Variants in USP6 observed in about 807,000 individuals in gnomAD.
The protein encoded by USP6 is ubiquitin carboxyl-terminal hydrolase 6.
USP6 carries 128 observed loss-of-function variants against 175.7 expected under a neutral mutation model. The observed-to-expected ratio is 0.73, with a 90% CI of 0.63 to 0.84. USP6 has a LOEUF of 0.84. Among genes scored for constraint, USP6 ranks in the 40% least tolerant of loss-of-function variants. USP6 has a pLI of 0.00. For missense variants in USP6, 1,498 were observed against 1,760.3 expected (o/e 0.85, Z 2.67); for synonymous variants, 562 against 630.6 (o/e 0.89, Z 1.63).
intron 37 of USP6, among the ~76,000 whole-genome samples, chr17:5,172,182 A>G (rs1283211933): frequency 6.6e-6 from 1 of 151,756 alleles, no homozygotes; most frequent in Non-Finnish European, 1.5e-5. Context: ...CTCAAAAAAA[A>G]AAAAAAAAAG....
In USP6 at chr17:5,130,405, A is replaced by C; in HGVS notation, c.38A>C (p.Gln13Pro). 6.2e-7 allele frequency: 1 copy of C among 1,614,206 alleles called. No individual in the cohort carries two copies. The highest frequency in any genetic ancestry group is 2.2e-5 in the East Asian group (1 of 44,882). ...GAGAATGCAGATAGTTTGCAGGCAC[A>C]GGAGCGGAAGGACATACTTATGAAG... ...MVENADSLQA[Q>P]ERKDILMKYD... Residue 13 changes from glutamine to proline, a missense_variant, in exon 10 of 38, where the codon CAG becomes CCG. Coordinates refer to ENST00000574788, the MANE Select transcript of USP6 (RefSeq NM_001304284.2).
At chr17:5,138,882 CGGAGACA>C (rs2073348040) in intron 21 of USP6, 3 of 815,970 alleles carry the variant, frequency 3.7e-6, no homozygotes, top group Non-Finnish European at 3.6e-6. Context: ...TCACCCACTG[CGGAGACA>C]GGTCCCCATG....
Position 5,170,690 on chromosome 17 carries a change from G to T in USP6, c.3729G>T (p.Leu1243Phe). 6.2e-7 allele frequency: 1 copy of T among 1,613,972 alleles called. No homozygotes were observed. Among genetic ancestry groups the T allele is most frequent in the Non-Finnish European group, 8.5e-7 (1 of 1,179,878 alleles). Residue 1243 changes from leucine (L) to phenylalanine (F), a missense_variant, in exon 36 of 38, where the codon TTG becomes TTT. Leu to Phe is a conservative substitution (Grantham distance 22). Transcript: ENST00000574788. The part of the protein sequence containing the change: ...AGQICELADA[L>F]SRGHMRGGSQ... ...AGATCTGTGAGCTGGCTGACGCCTT[G>T]AGCCGAGGGCATATGCGGGGGGGCA...
At chr17:5,145,781 C>A (rs1440985339) in intron 27 of USP6, among the ~76,000 whole-genome samples, 1 of 152,086 alleles carries the variant, frequency 6.6e-6, no homozygotes, top group Admixed American at 6.5e-5. Context: ...AATATGCCAG[C>A]AACTCTCTTT....
chr17:5,124,929 A>G lies in USP6; in HGVS notation c.-935A>G, dbSNP rs931815804. ...GTGAATAATTTCAATTGACATAATA[A>G]TGTATTTATCTTGCTGGGTAAATGA... On this transcript the variant is annotated 5_prime_UTR_variant, in exon 5 of 38. It removes an upstream start codon present in the reference 5' UTR. Coordinates refer to ENST00000574788, the MANE Select transcript of USP6 (RefSeq NM_001304284.2). 3 of 152,178 alleles carry G rather than the reference A, an allele frequency of 2.0e-5. No individual in the cohort carries two copies. Among genetic ancestry groups the G allele is most frequent in the African/African-American group, 7.2e-5 (3 of 41,420 alleles). The allele number at this position is 152,178 out of a possible 1,614,324, so 9.4% of individuals were successfully genotyped here. A position where few individuals can be genotyped will look rare whatever the true frequency, so the allele number is the denominator to read the frequency against.
intron 29 of USP6, among the ~76,000 whole-genome samples, chr17:5,147,876 A>C (rs1017579702): frequency 5.9e-5 from 9 of 151,932 alleles, no homozygotes; most frequent in Non-Finnish European, 1.2e-4. Context: ...TTTAATTTTT[A>C]TTTTATTTTA....
intron 29 of USP6, 146 bp downstream of exon 29, chr17:5,147,340 T>C (rs892099927): frequency 3.9e-6 from 4 of 1,022,946 alleles, no homozygotes; most frequent in Non-Finnish European, 5.4e-6. Flanking sequence ...TTATTCCATA[T>C]TTTTTCGATG....
chr17:5,171,618 A>T lies in USP6; in HGVS notation c.3986A>T (p.Tyr1329Phe). The change falls in exon 37 of 38, where the codon TAC becomes TTC. Residue 1329 changes from tyrosine (Y) to phenylalanine (F), a missense_variant. Around this residue, in one of 2 missense-constraint regions of USP6, gnomAD observed 1,217 missense variants for 1,500.8 expected, o/e 0.81. Transcript: ENST00000574788. The stretch of plus-strand genomic sequence containing the variant: ...TCAGGAATTCTGAGTGGGGGCCATT[A>T]CATCACTTATGCCAAAAACCCAAAC... ...CHSGILSGGH[Y>F]ITYAKNPNCK... is the part of the protein sequence containing the mutation. The T allele has an allele frequency of 2.5e-6, 4 of 1,613,860 alleles. No homozygotes were observed. Among genetic ancestry groups the T allele is most frequent in the Non-Finnish European group, 3.4e-6 (4 of 1,179,810 alleles).
chr17:5,139,479 C>G lies in USP6; in HGVS notation c.1303C>G (p.Leu435Val). Residue 435 changes from leucine (L) to valine (V), a missense_variant, in exon 22 of 38, where the codon CTG becomes GTG. Leu to Val is a conservative substitution (Grantham distance 32). Coordinates refer to ENST00000574788, the MANE Select transcript of USP6 (RefSeq NM_001304284.2). ...YPVGTQGVPS[L>V]ALAQGGPQGS... Reference sequence around the variant, plus strand: ...TGTGGGCACTCAGGGTGTGCCCAGCCTGGCCCTGGCTCAGGGAGGACCTCA... The same window carrying G: ...TGTGGGCACTCAGGGTGTGCCCAGCGTGGCCCTGGCTCAGGGAGGACCTCA... 1 of 1,613,468 alleles carries G rather than the reference C, an allele frequency of 6.2e-7. No homozygotes were observed.
chr17:5,139,886 T>A (rs754265951), intron 22 of USP6, among the ~76,000 whole-genome samples: 47 of 152,196 alleles, frequency 3.1e-4, no homozygotes, highest in Non-Finnish European at 5.4e-4. Context: ...CCAGGGCTCA[T>A]GGCTGGATAA....
At chr17:5,161,751 C>T (rs946582142) in intron 32 of USP6, 137 bp downstream of exon 32, 22 of 1,022,624 alleles carry the variant, frequency 2.2e-5, no homozygotes, top group Admixed American at 1.5e-4. Flanking sequence ...CACCATGGCT[C>T]AGGCCTGTAA....
intron 37 of USP6, 94 bp from the exon 38 acceptor site, chr17:5,172,711 A>G: frequency 6.5e-7 from 1 of 1,530,508 alleles, no homozygotes; most frequent in Non-Finnish European, 8.9e-7. Context: ...CAATCAGGTT[A>G]GTAATTACAG....
intron 33 of USP6, among the ~76,000 whole-genome samples, chr17:5,166,607 C>T (rs1022802149): frequency 4.6e-5 from 7 of 151,956 alleles, no homozygotes; most frequent in South Asian, 2.1e-4. Context: ...CCTTGTGGTC[C>T]GGGCTGTGCT....
chr17:5,150,355 T>C (rs2144037728), intron 30 of USP6, among the ~76,000 whole-genome samples: 1 of 150,000 alleles, frequency 6.7e-6, no homozygotes, highest in South Asian at 2.1e-4. Flanking sequence ...TAAAGGAAAT[T>C]AGGGCTTCTA....
chr17:5,147,106 A>AG lies in USP6; in HGVS notation c.2344dup (p.Val782GlyfsTer13). On this transcript the variant is annotated frameshift_variant, in exon 29 of 38. Transcript: ENST00000574788. LOFTEE classifies it high-confidence loss of function. ...AGAACTTTCCTCAGGATAACCAAAA[A>AG]GTACAACTCTCAGTGAGCGGATTTT... 1 of 1,613,146 alleles carries AG rather than the reference A, an allele frequency of 6.2e-7. No homozygotes were observed. Among genetic ancestry groups the AG allele is most frequent in the Non-Finnish European group, 8.5e-7 (1 of 1,179,680 alleles).
At position 5,116,731 on chromosome 17, in the gene USP6, CT is replaced by C; in HGVS notation, c.-1935del. 4 of 152,398 alleles carry C rather than the reference CT, an allele frequency of 2.6e-5. No individual in the cohort carries two copies. In the Middle Eastern group the frequency reaches 0.01, roughly 389 times the overall value. The allele number at this position is 152,398 out of a possible 1,614,324, so 9.4% of individuals were successfully genotyped here. On this transcript the variant is annotated 5_prime_UTR_variant, in exon 1 of 38. Transcript: ENST00000574788. ...ACCGGAATTTGAATTCGTTTCTTCA[CT>C]TACTAGTTGTGAGTCTTTGGGCAAA... is the stretch of plus-strand genomic sequence containing the variant.
At position 5,167,920 on chromosome 17, in the gene USP6, C is replaced by T. The variant is rs1303510722; in HGVS notation, c.3037-12C>T. On this transcript the variant is annotated splice_polypyrimidine_tract_variant and intron_variant, in intron 33 of 37. Coordinates refer to ENST00000574788, the MANE Select transcript of USP6 (RefSeq NM_001304284.2). Reference sequence around the variant, plus strand: ...CCACACACCCCTTTCCTCCTGTTCCCTCTACCTACAGGTTGTAGATAAGCA... The same window carrying T: ...CCACACACCCCTTTCCTCCTGTTCCTTCTACCTACAGGTTGTAGATAAGCA... 1 of 1,605,830 alleles carries T rather than the reference C, an allele frequency of 6.2e-7. No homozygotes were observed. Among genetic ancestry groups the T allele is most frequent in the Non-Finnish European group, 8.5e-7 (1 of 1,175,220 alleles).
At position 5,125,176 on chromosome 17, in the gene USP6, C is replaced by G. The variant is rs11651573; in HGVS notation, c.-688C>G. On this transcript the variant is annotated 5_prime_UTR_variant, in exon 5 of 38. Coordinates refer to ENST00000574788, the MANE Select transcript of USP6 (RefSeq NM_001304284.2). ...TAGATTGCGTGCTCCTTATGAGAAC[C>G]TAATGCCTGATGATCTGTGACTGTC... is the stretch of plus-strand genomic sequence containing the variant. The G allele has an allele frequency of 6.5e-6, 1 of 153,074 alleles. No homozygotes were observed. The highest frequency in any genetic ancestry group is 1.9e-4 in the East Asian group (1 of 5,254). The allele number at this position is 153,074 out of a possible 1,614,324, so 9.5% of individuals were successfully genotyped here.
At position 5,139,484 on chromosome 17, in the gene USP6, C is replaced by T. The variant is rs1487802227; in HGVS notation, c.1308C>T (p.Ala436=). The T allele has an allele frequency of 5.0e-6, 8 of 1,613,510 alleles. No homozygotes were observed. The highest frequency in any genetic ancestry group is 6.8e-6 in the Non-Finnish European group (8 of 1,180,034). ...GCACTCAGGGTGTGCCCAGCCTGGC[C>T]CTGGCTCAGGGAGGACCTCAGGGTT... ...PVGTQGVPSL[A]LAQGGPQGSW... The change falls in exon 22 of 38, where the codon GCC becomes GCT. Residue 436 remains alanine, a synonymous_variant. Transcript: ENST00000574788.
Sources: gnomAD v4.1 joint callset for allele counts (sites outside exome capture counted in the v4.1 genomes callset) on GRCh38, gnomAD v4.1.1 for gene constraint, gnomAD v4.1.1 regional missense constraint, MANE v1.5 for transcripts, NCBI Gene and HGNC (gene_info 2026-07-23, HGNC 2026-07-21) for gene names.